The following LMLN variants were observed in gnomAD, a reference collection of about 807,000 sequenced individuals.
LMLN encodes the protein leishmanolysin like peptidase, also known as leishmanolysin-like peptidase.
A neutral mutation model predicts 92.3 loss-of-function variants in LMLN; 70 were observed. The observed-to-expected ratio is 0.76, with a 90% CI of 0.63 to 0.92. The LOEUF (loss-of-function observed/expected upper bound fraction) is 0.92. Among genes scored for constraint, LMLN ranks in the 40% least tolerant of loss-of-function variants. LMLN has a pLI of 0.00. For missense variants in LMLN, 691 were observed against 814.6 expected, an observed-to-expected ratio of 0.85 and a Z score of 1.85; for synonymous variants, 308 against 296.2, an observed-to-expected ratio of 1.04 and a Z score of -0.41.
chr3:198,002,803 A>T (rs1722210410), intron 11 of LMLN, among the ~76,000 whole-genome samples: 1 of 152,236 alleles, frequency 6.6e-6, no homozygotes, highest in Admixed American at 6.5e-5. Flanking sequence ...AAAGTATTTA[A>T]TACCTCCATC....
intron 11 of LMLN, among the ~76,000 whole-genome samples, chr3:198,008,872 C>T (rs1220375704): frequency 6.6e-6 from 1 of 152,092 alleles, no homozygotes; most frequent in African/African-American, 2.4e-5. Flanking sequence ...TTAACTTTCT[C>T]TTGAGATTTC....
chr3:197,960,292 C>T (rs1278517071), exon 1 of LMLN: 3 of 1,613,736 alleles, frequency 1.9e-6, no homozygotes, highest in South Asian at 2.2e-5. Context: ...GGCTCAGGCC[C>T]GGGCCGGAGC....
At chr3:197,985,670 G>A (rs964338660) in intron 7 of LMLN, 126 bp from the exon 8 acceptor site, 1 of 535,630 alleles carries the variant, frequency 1.9e-6, no homozygotes, top group East Asian at 2.7e-5. Flanking sequence ...CGTAGGAGAA[G>A]TTCCTACAGA....
chr3:197,999,149 AT>A (rs1426738752), intron 10 of LMLN, 116 bp from the exon 11 acceptor site: 10 of 720,106 alleles, frequency 1.4e-5, no homozygotes, highest in Admixed American at 1.4e-4. Context: ...TTTTAAGTGA[AT>A]GTCTTGTCAG....
exon 2 of LMLN, chr3:197,974,471 A>G: frequency 6.9e-7 from 1 of 1,452,344 alleles, no homozygotes; most frequent in Non-Finnish European, 9.5e-7. Flanking sequence ...AAAAGTGTTG[A>G]AGAGTAAGTA....
intron 1 of LMLN, among the ~76,000 whole-genome samples, chr3:197,960,817 G>T (rs542115943): frequency 6.6e-6 from 1 of 152,278 alleles, no homozygotes; most frequent in African/African-American, 2.4e-5. Context: ...GTTCCCAGCT[G>T]GTTGGTGAGA....
At chr3:198,013,438 C>A (rs1415351903) in intron 11 of LMLN, among the ~76,000 whole-genome samples, 27 of 131,262 alleles carry the variant, frequency 2.1e-4, no homozygotes, top group African/African-American at 8.5e-4. Context: ...CCTTCAGAGC[C>A]CCCTAACTAG....
intron 6 of LMLN, among the ~76,000 whole-genome samples, chr3:197,981,773 G>A (rs1309072423): frequency 6.6e-6 from 1 of 151,482 alleles, no homozygotes; most frequent in Non-Finnish European, 1.5e-5. Flanking sequence ...TTTGAGATTA[G>A]CGATTAGCTG....
intron 14 of LMLN, among the ~76,000 whole-genome samples, chr3:198,027,889 TGGCAATTCTATGTTTAGCTTTTTTAG>T (rs1250980523): frequency 6.6e-6 from 1 of 152,228 alleles, no homozygotes; most frequent in Admixed American, 6.5e-5. Flanking sequence ...CTGTATCATA[TGGCAATTCTATGTTTAGCTTTTTTAG>T]GAACTACCAA....
At chr3:198,000,696 G>A (rs1041910971) in intron 11 of LMLN, among the ~76,000 whole-genome samples, 2 of 152,146 alleles carry the variant, frequency 1.3e-5, no homozygotes, top group Non-Finnish European at 2.9e-5. Context: ...CCAAAGTGCT[G>A]GGATTACAGG....
At chr3:197,966,559 T>A (rs968636093) in intron 1 of LMLN, among the ~76,000 whole-genome samples, 4 of 151,802 alleles carry the variant, frequency 2.6e-5, no homozygotes, top group Non-Finnish European at 4.4e-5. Flanking sequence ...TTTTTTTTTT[T>A]AATCATGGAT....
rs182358538 is a variant in LMLN, at chr3:197,960,603, C to T, written c.219+163C>T. On this transcript the variant is annotated intron_variant, in intron 1 of 15. Transcript: ENST00000330198. Reference sequence around the variant, plus strand: ...GGACCCGCTCTCAGCTCCCTACACCCTGCAAGTTGGCTGTTAGGCGCTCAG... The same window carrying T: ...GGACCCGCTCTCAGCTCCCTACACCTTGCAAGTTGGCTGTTAGGCGCTCAG... 8.5e-5 allele frequency among the ~76,000 whole-genome samples: 13 copies of T among 152,304 alleles called. No individual in the cohort carries two copies. The East Asian group carries it at 2.1e-3, about 25-fold the overall frequency.
At chr3:197,977,603 T>C (rs1183014580) in intron 5 of LMLN, among the ~76,000 whole-genome samples, 1 of 147,920 alleles carries the variant, frequency 6.8e-6, no homozygotes, top group Non-Finnish European at 1.5e-5. Flanking sequence ...CATATAAAAA[T>C]TATCAAACAA....
intron 11 of LMLN, among the ~76,000 whole-genome samples, chr3:198,003,633 C>T (rs1016099324): frequency 5.8e-5 from 7 of 120,378 alleles, no homozygotes; most frequent in Admixed American, 2.3e-4. Flanking sequence ...TTGACATTAT[C>T]TATATATCAT....
At chr3:198,013,067 C>T (rs1295336679) in intron 11 of LMLN, among the ~76,000 whole-genome samples, 2 of 127,338 alleles carry the variant, frequency 1.6e-5, no homozygotes. Context: ...CCCTTCAGAG[C>T]CCCCTAACTA....
At chr3:197,995,596 G>A (rs1235252692) in intron 9 of LMLN, among the ~76,000 whole-genome samples, 2 of 152,086 alleles carry the variant, frequency 1.3e-5, no homozygotes, top group Non-Finnish European at 2.9e-5. Flanking sequence ...ATGGTAAGGT[G>A]ATGGCCAAAG....
chr3:198,018,549 T>A (rs754175086), intron 11 of LMLN, among the ~76,000 whole-genome samples: 9 of 152,250 alleles, frequency 5.9e-5, no homozygotes, highest in Admixed American at 2.0e-4. Flanking sequence ...GTGTTTCATC[T>A]TAGGAAGCTG....
intron 13 of LMLN, 150 bp from the exon 15 acceptor site, chr3:198,024,508 C>T: frequency 4.6e-6 from 3 of 656,280 alleles, no homozygotes; most frequent in South Asian, 5.2e-5. Flanking sequence ...AGCCACCGTG[C>T]CCAGCCTACC....
intron 3 of LMLN, 86 bp from the exon 4 acceptor site, chr3:197,975,943 C>T: frequency 1.3e-6 from 1 of 782,546 alleles, no homozygotes; most frequent in South Asian, 1.9e-5. Flanking sequence ...AGCTTTTTTT[C>T]ATTACTATCC....
Sources: allele counts gnomAD v4.1 joint callset (sites outside exome capture counted in the v4.1 genomes callset), GRCh38; gene constraint gnomAD v4.1.1; transcripts MANE v1.5; gene names NCBI Gene and HGNC (gene_info 2026-07-23, HGNC 2026-07-21).